The following PDE11A variants were observed in gnomAD, a reference collection of about 807,000 sequenced individuals.
PDE11A encodes the protein phosphodiesterase 11A, also known as dual 3',5'-cyclic-AMP and -GMP phosphodiesterase 11A.
A neutral mutation model predicts 100.5 loss-of-function variants in PDE11A; 100 were observed. That is an observed-to-expected ratio of 1.00 (90% CI 0.85 to 1.18). The LOEUF is 1.18. Ranked by LOEUF, PDE11A falls within the 50% of genes most tolerant of loss-of-function variation. PDE11A has a pLI of 0.00. For missense variants in PDE11A, 1,141 were observed against 1,152.6 expected (o/e 0.99, Z 0.15); for synonymous variants, 381 against 420.8 (o/e 0.91, Z 1.16).
At chr2:177,926,644 A>C (rs140525762) in intron 2 of PDE11A, among the ~76,000 whole-genome samples, 340 of 152,334 alleles carry the variant, frequency 2.2e-3, no homozygotes, top group African/African-American at 7.6e-3. Context: ...ATATGTTCCA[A>C]AGAGGAGTTG....
intron 2 of PDE11A, among the ~76,000 whole-genome samples, chr2:178,078,496 T>G (rs1574387320): frequency 6.6e-6 from 1 of 152,212 alleles, no homozygotes; most frequent in South Asian, 2.1e-4. Context: ...GACTAATAAG[T>G]ATCTAGAAGG....
At chr2:178,002,955 G>A (rs934567) in intron 2 of PDE11A, among the ~76,000 whole-genome samples, 140,416 of 152,200 alleles carry the variant, frequency 0.92, 65,856 homozygotes, top group East Asian at 1. Context: ...AAGGATGATC[G>A]ACATCATTAG....
intron 1 of PDE11A, 84 bp downstream of exon 1, chr2:178,071,442 T>C: frequency 6.4e-7 from 1 of 1,568,726 alleles, no homozygotes; most frequent in South Asian, 1.1e-5. Context: ...TAAATTAATG[T>C]GTTCCTGGAT....
At position 177,628,043 on chromosome 2, in the gene PDE11A, G is replaced by C. The variant is rs2105426049; in HGVS notation, c.*1364C>G. The C allele has an allele frequency of 6.6e-6, 1 of 152,264 alleles. No individual in the cohort carries two copies. The highest frequency in any genetic ancestry group is 2.1e-4 in the South Asian group (1 of 4,814). 9.4% of individuals were successfully genotyped at this position (152,264 alleles called of 1,614,324 possible). A position where few individuals can be genotyped will look rare whatever the true frequency, so the allele number is the denominator to read the frequency against. ...TAGGTGCTCTGGATGTCCAAACCCT[G>C]CTTATAATTCACATAGGAATTCAGC... On this transcript the variant is annotated 3_prime_UTR_variant, in exon 20 of 20. Coordinates refer to ENST00000286063, the MANE Select transcript of PDE11A (RefSeq NM_016953.4).
In PDE11A at chr2:177,627,876, CA is replaced by C. The variant is rs1216001387; in HGVS notation, c.*1530del. The stretch of plus-strand genomic sequence containing the variant: ...AAACAAACAAACAAAGAAACAAAAA[CA>C]ATAACAAGAAAAATGGTTTGTAAAT... On this transcript the variant is annotated 3_prime_UTR_variant, in exon 20 of 20. Transcript: ENST00000286063. 1 of 152,116 alleles carries C rather than the reference CA, an allele frequency of 6.6e-6. No individual in the cohort carries two copies. The highest frequency in any genetic ancestry group is 1.5e-5 in the Non-Finnish European group (1 of 68,034). 9.4% of individuals were successfully genotyped at this position (152,116 alleles called of 1,614,324 possible).
intron 2 of PDE11A, among the ~76,000 whole-genome samples, chr2:177,922,179 T>C (rs1052050327): frequency 1.3e-5 from 2 of 152,124 alleles, no homozygotes; most frequent in African/African-American, 2.4e-5. Flanking sequence ...AATTGACCTC[T>C]GCATGCATGA....
chr2:178,077,560 T>C (rs554166236), upstream of PDE11A, among the ~76,000 whole-genome samples: 2 of 152,288 alleles, frequency 1.3e-5, no homozygotes, highest in African/African-American at 4.8e-5. Flanking sequence ...CAGTATCACC[T>C]TCCACATAAC....
chr2:177,885,218 GTGTGTA>G (rs1344901532), intron 4 of PDE11A, among the ~76,000 whole-genome samples: 2 of 146,228 alleles, frequency 1.4e-5, no homozygotes, highest in Non-Finnish European at 3.1e-5. Flanking sequence ...GTGTGTGTGT[GTGTGTA>G]TATATAGTAC....
intron 18 of PDE11A, among the ~76,000 whole-genome samples, chr2:177,665,301 T>C (rs1380457174): frequency 2.1e-5 from 2 of 93,522 alleles, no homozygotes; most frequent in Non-Finnish European, 4.3e-5. Flanking sequence ...GTGAAGCCCC[T>C]GTCCCTACAA....
chr2:177,779,560 C>T (rs2082423938), intron 9 of PDE11A, among the ~76,000 whole-genome samples: 1 of 152,226 alleles, frequency 6.6e-6, no homozygotes, highest in African/African-American at 2.4e-5. Context: ...ACAGCATCTT[C>T]ACCAAGTGTA....
At chr2:177,631,605 G>A (rs867451484) in intron 19 of PDE11A, among the ~76,000 whole-genome samples, 3,634 of 100,974 alleles carry the variant, frequency 0.036, 503 homozygotes, top group African/African-American at 0.15. Context: ...ATATATGTGT[G>A]TATATATATA....
At chr2:177,781,121 G>A (rs962145533) in intron 9 of PDE11A, among the ~76,000 whole-genome samples, 3 of 152,170 alleles carry the variant, frequency 2.0e-5, no homozygotes, top group Non-Finnish European at 2.9e-5. Context: ...GGAACACTTA[G>A]AGGTCATTGT....
intron 2 of PDE11A, among the ~76,000 whole-genome samples, chr2:177,946,922 A>C (rs1574300313): frequency 8.0e-5 from 6 of 74,790 alleles, no homozygotes; most frequent in East Asian, 4.1e-4. Context: ...GGAAGTGAGG[A>C]GCCCCTCTGC....
rs147553053 is a variant in PDE11A at position 177,710,342 on chromosome 2, G to A, written c.2153+1427C>T. On this transcript the variant is annotated intron_variant, in intron 13 of 19. Coordinates refer to ENST00000286063, the MANE Select transcript of PDE11A (RefSeq NM_016953.4). ...ATTTTCTCCGTGAAGTAGGAGGCAA[G>A]GTGATCTGCTGAGTGGTGCGGGGGA... Among the ~76,000 whole-genome samples, 9 of 152,208 alleles carry A rather than the reference G, an allele frequency of 5.9e-5. No individual in the cohort carries two copies. The East Asian group carries it at 1.7e-3, about 29-fold the overall frequency.
intron 18 of PDE11A, among the ~76,000 whole-genome samples, chr2:177,668,104 G>C (rs1160573607): frequency 6.6e-6 from 1 of 152,204 alleles, no homozygotes; most frequent in African/African-American, 2.4e-5. Context: ...AGCATTTAGA[G>C]CTATGTTTCT....
intron 2 of PDE11A, among the ~76,000 whole-genome samples, chr2:178,007,297 T>C (rs1310708039): frequency 6.6e-6 from 1 of 152,220 alleles, no homozygotes; most frequent in East Asian, 1.9e-4. Flanking sequence ...TTACAGAAAC[T>C]GGTTTATTTT....
chr2:178,011,391 G>T (rs935549444), intron 2 of PDE11A, among the ~76,000 whole-genome samples: 1 of 152,058 alleles, frequency 6.6e-6, no homozygotes, highest in Non-Finnish European at 1.5e-5. Context: ...TATGTGGACT[G>T]GTCATTGTCC....
At chr2:178,075,304 G>A (rs928200190), upstream of PDE11A, among the ~76,000 whole-genome samples, 1 of 152,170 alleles carries the variant, frequency 6.6e-6, no homozygotes, top group Admixed American at 6.5e-5. Flanking sequence ...TGTCATCCCA[G>A]CACTTTGGGA....
At chr2:177,829,584 C>T (rs2083278712) in intron 6 of PDE11A, among the ~76,000 whole-genome samples, 1 of 150,930 alleles carries the variant, frequency 6.6e-6, no homozygotes, top group Non-Finnish European at 1.5e-5. Context: ...GTTGGGACTA[C>T]AGGCGTGTGC....
Sources: gnomAD v4.1 joint callset for allele counts (sites outside exome capture counted in the v4.1 genomes callset) on GRCh38, gnomAD v4.1.1 for gene constraint, MANE v1.5 for transcripts, NCBI Gene and HGNC (gene_info 2026-07-23, HGNC 2026-07-21) for gene names.